Variants in CHRM3 observed in about 807,000 individuals in gnomAD.
The protein encoded by CHRM3 is cholinergic receptor muscarinic 3.
A neutral mutation model predicts 41.8 loss-of-function variants in CHRM3; 11 were observed. The ratio of observed to expected loss-of-function variants is 0.26; its 90% CI spans 0.17 to 0.44. CHRM3 has a LOEUF of 0.44. CHRM3 is among the 20% of genes least tolerant of loss of function. The probability of loss-of-function intolerance (pLI) is 1.00; values close to 1 mark genes in which losing one functional copy is unlikely to be tolerated. For synonymous variants in CHRM3, 297 were observed against 301.4 expected, an observed-to-expected ratio of 0.99 and a Z score of 0.15; for missense variants, 571 against 745.4, an observed-to-expected ratio of 0.77 and a Z score of 2.72.
chr1:239,414,651 A>G lies in CHRM3; in HGVS notation c.-521+27424A>G, dbSNP rs1387737281. 3.3e-5 allele frequency among the ~76,000 whole-genome samples: 5 copies of G among 152,250 alleles called. No homozygotes were observed. In the East Asian group the frequency reaches 7.7e-4, roughly 23 times the overall value. Reference sequence around the variant, plus strand: ...GATTTCATATACTGCCTTCCATTAAATTCAGCTGAGATTAAGGAGGATCGA... The same window carrying G: ...GATTTCATATACTGCCTTCCATTAAGTTCAGCTGAGATTAAGGAGGATCGA... On this transcript the variant is annotated intron_variant, in intron 1 of 6. Coordinates refer to ENST00000676153, the MANE Select transcript of CHRM3 (RefSeq NM_001375978.1).
intron 5 of CHRM3, among the ~76,000 whole-genome samples, chr1:239,741,018 T>A (rs1403039459): frequency 1.3e-5 from 2 of 152,210 alleles, no homozygotes; most frequent in Non-Finnish European, 2.9e-5. Context: ...CTAGTCTTCC[T>A]AACTCTTTGT....
rs36006673 is a variant in CHRM3 at position 239,859,419 on chromosome 1, G to GT, written c.-20+32053dup. Among the ~76,000 whole-genome samples the GT allele has an allele frequency of 1.4e-3, 134 of 97,468 alleles. 3 individuals carry two copies. The highest frequency in any genetic ancestry group is 5.3e-3 in the African/African-American group (128 of 24,044). 63.9% of individuals were successfully genotyped at this position (97,468 alleles called of 152,430 possible). A position where few individuals can be genotyped will look rare whatever the true frequency, so the allele number is the denominator to read the frequency against. Reference sequence around the variant, plus strand: ...TGTTTTTTTTGTTGTTGTTGTTGTTGTTTTTTTTTTTTGTTTTTTTTTTTG... The same window carrying GT: ...TGTTTTTTTTGTTGTTGTTGTTGTTGTTTTTTTTTTTTTGTTTTTTTTTTTG... On this transcript the variant is annotated intron_variant, in intron 6 of 6. Transcript: ENST00000676153.
chr1:239,892,105 A>G (rs13374431), intron 6 of CHRM3, among the ~76,000 whole-genome samples: 4,633 of 152,280 alleles, frequency 0.03, 205 homozygotes, highest in African/African-American at 0.09. Flanking sequence ...CATGTTTTAG[A>G]ATAAGGATTC....
chr1:239,585,066 T>TAC (rs1663274095), intron 3 of CHRM3, among the ~76,000 whole-genome samples: 1 of 149,896 alleles, frequency 6.7e-6, no homozygotes, highest in Non-Finnish European at 1.5e-5. Flanking sequence ...TATATATATA[T>TAC]ATATATATGT....
intron 4 of CHRM3, among the ~76,000 whole-genome samples, chr1:239,639,337 C>G (rs1670837783): frequency 6.6e-6 from 1 of 152,192 alleles, no homozygotes; most frequent in African/African-American, 2.4e-5. Context: ...GGCATTGAAT[C>G]TATAAATTAC....
intron 3 of CHRM3, among the ~76,000 whole-genome samples, chr1:239,602,353 C>G (rs1665712210): frequency 6.6e-6 from 1 of 151,754 alleles, no homozygotes; most frequent in South Asian, 2.1e-4. Flanking sequence ...TTTGGTAAGA[C>G]AAGGAAATAA....
chr1:239,496,300 A>G (rs563690710), intron 2 of CHRM3, among the ~76,000 whole-genome samples: 37 of 152,188 alleles, frequency 2.4e-4, no homozygotes, highest in Non-Finnish European at 4.6e-4. Flanking sequence ...GGCTAAACCA[A>G]TCGCCTCTGT....
chr1:239,692,112 A>G (rs1203017003), intron 5 of CHRM3, among the ~76,000 whole-genome samples: 2 of 152,228 alleles, frequency 1.3e-5, no homozygotes, highest in African/African-American at 4.8e-5. Context: ...TGAGCAAAAC[A>G]GTAATATCTT....
intron 3 of CHRM3, among the ~76,000 whole-genome samples, chr1:239,557,775 T>G (rs1467274292): frequency 1.3e-5 from 2 of 152,168 alleles, no homozygotes; most frequent in African/African-American, 2.4e-5. Flanking sequence ...CTGAGGATAA[T>G]GGCTTCCAGC....
chr1:239,557,296 G>A (rs187127723), intron 3 of CHRM3, among the ~76,000 whole-genome samples: 69 of 152,228 alleles, frequency 4.5e-4, no homozygotes, highest in African/African-American at 1.6e-3. Flanking sequence ...TGACTACTAT[G>A]TGGCTCTGAG....
intron 5 of CHRM3, among the ~76,000 whole-genome samples, chr1:239,796,849 A>G (rs1468148252): frequency 6.6e-6 from 1 of 151,384 alleles, no homozygotes; most frequent in Admixed American, 6.6e-5. Flanking sequence ...CCCCCCTCCC[A>G]CTCTCCCACC....
intron 5 of CHRM3, among the ~76,000 whole-genome samples, chr1:239,796,435 G>T (rs987804473): frequency 6.6e-6 from 1 of 152,130 alleles, no homozygotes; most frequent in Non-Finnish European, 1.5e-5. Flanking sequence ...ATAGTTATAT[G>T]CCAACTATCA....
intron 3 of CHRM3, among the ~76,000 whole-genome samples, chr1:239,585,700 T>C (rs1663332179): frequency 6.6e-6 from 1 of 152,194 alleles, no homozygotes; most frequent in Admixed American, 6.5e-5. Context: ...TCAATGGACA[T>C]TTGTATTTCA....
intron 1 of CHRM3, among the ~76,000 whole-genome samples, chr1:239,488,976 T>G (rs1483901996): frequency 6.6e-6 from 1 of 152,150 alleles, no homozygotes; most frequent in Non-Finnish European, 1.5e-5. Context: ...GAAATTTATA[T>G]CTGTCCATAT....
At chr1:239,695,659 T>C (rs2148031356) in intron 5 of CHRM3, among the ~76,000 whole-genome samples, 1 of 152,086 alleles carries the variant, frequency 6.6e-6, no homozygotes, top group African/African-American at 2.4e-5. Context: ...AAAAATATTA[T>C]TATATTTATA....
At chr1:239,451,554 C>T (rs2103323579) in intron 1 of CHRM3, among the ~76,000 whole-genome samples, 1 of 152,226 alleles carries the variant, frequency 6.6e-6, no homozygotes, top group African/African-American at 2.4e-5. Context: ...GCTCACTCCA[C>T]CCATGCCGTA....
At chr1:239,607,947 G>A (rs557252508) in intron 3 of CHRM3, among the ~76,000 whole-genome samples, 1 of 152,064 alleles carries the variant, frequency 6.6e-6, no homozygotes, top group Non-Finnish European at 1.5e-5. Context: ...TTTAGAATTA[G>A]AGAAAGCTTT....
intron 2 of CHRM3, among the ~76,000 whole-genome samples, chr1:239,532,819 C>A (rs557171947): frequency 6.6e-6 from 1 of 152,190 alleles, no homozygotes; most frequent in South Asian, 2.1e-4. Context: ...TGCATAATCA[C>A]CTCTAAGGAA....
At chr1:239,751,206 C>G (rs1275962114) in intron 5 of CHRM3, among the ~76,000 whole-genome samples, 2 of 150,422 alleles carry the variant, frequency 1.3e-5, no homozygotes, top group East Asian at 3.9e-4. Context: ...CCACTACACT[C>G]CAGCCTGGAT....
Sources: gnomAD v4.1 joint callset for allele counts (sites outside exome capture counted in the v4.1 genomes callset) on GRCh38, gnomAD v4.1.1 for gene constraint, MANE v1.5 for transcripts, NCBI Gene and HGNC (gene_info 2026-07-23, HGNC 2026-07-21) for gene names.